The following MACROD2 variants were observed in gnomAD, a reference collection of about 807,000 sequenced individuals.
The protein encoded by MACROD2 is mono-ADP ribosylhydrolase 2, also known as ADP-ribose glycohydrolase MACROD2.
MACROD2 carries 36 observed loss-of-function variants against 70.4 expected under a neutral mutation model. The observed-to-expected ratio is 0.51, with a 90% CI of 0.39 to 0.68. MACROD2 has a LOEUF of 0.68. MACROD2 is among the 30% of genes least tolerant of loss of function. The pLI is 0.00. For synonymous variants in MACROD2, 172 were observed against 178.8 expected (o/e 0.96, Z 0.30); for missense variants, 496 against 538.4 (o/e 0.92, Z 0.78).
At chr20:14,540,758 C>A (rs1414172591) in intron 4 of MACROD2, among the ~76,000 whole-genome samples, 2 of 152,186 alleles carry the variant, frequency 1.3e-5, no homozygotes, top group Non-Finnish European at 2.9e-5. Context: ...TTAGCACCAC[C>A]TGCTATCAGC....
At chr20:14,365,179 T>C (rs1366903527) in intron 3 of MACROD2, among the ~76,000 whole-genome samples, 3 of 152,186 alleles carry the variant, frequency 2.0e-5, no homozygotes, top group East Asian at 1.9e-4. Context: ...TTTCCATTTC[T>C]TCTTTAGTCA....
chr20:14,760,827 A>G (rs191282496), intron 5 of MACROD2, among the ~76,000 whole-genome samples: 1 of 152,184 alleles, frequency 6.6e-6, no homozygotes, highest in East Asian at 1.9e-4. Context: ...TCACATTTTT[A>G]CTAGCAATTT....
chr20:15,008,904 C>T (rs1338383145), intron 5 of MACROD2, among the ~76,000 whole-genome samples: 1 of 151,976 alleles, frequency 6.6e-6, no homozygotes, highest in Non-Finnish European at 1.5e-5. Flanking sequence ...TTTCTCTTTC[C>T]TTTTCTGTGG....
intron 8 of MACROD2, among the ~76,000 whole-genome samples, chr20:15,776,110 T>C (rs1338631184): frequency 2.0e-5 from 3 of 152,128 alleles, no homozygotes; most frequent in Non-Finnish European, 4.4e-5. Flanking sequence ...AATTGTAGTT[T>C]TCACTTAAAA....
chr20:14,465,731 G>A (rs972077205), intron 3 of MACROD2, among the ~76,000 whole-genome samples: 2 of 152,032 alleles, frequency 1.3e-5, no homozygotes, highest in African/African-American at 4.8e-5. Flanking sequence ...CAGGCCTAGT[G>A]GTGACAAAAT....
chr20:15,076,035 GTTATAACC>G (rs1252913409), intron 5 of MACROD2, among the ~76,000 whole-genome samples: 1 of 152,158 alleles, frequency 6.6e-6, no homozygotes, highest in Non-Finnish European at 1.5e-5. Flanking sequence ...AAGGCGATCA[GTTATAACC>G]TTATAATCAA....
At chr20:14,849,804 T>C (rs557633733) in intron 5 of MACROD2, 47 of 317,938 alleles carry the variant, frequency 1.5e-4, no homozygotes, top group Non-Finnish European at 2.5e-4. Flanking sequence ...AGATAAGTAG[T>C]AACTCTCACA....
chr20:14,802,833 G>C (rs1191140535), intron 5 of MACROD2, among the ~76,000 whole-genome samples: 3 of 150,844 alleles, frequency 2.0e-5, no homozygotes, highest in Non-Finnish European at 4.4e-5. Context: ...GAAATAATTG[G>C]TTTTACAGTT....
intron 8 of MACROD2, among the ~76,000 whole-genome samples, chr20:15,777,973 G>A (rs570405224): frequency 3.3e-5 from 5 of 152,172 alleles, no homozygotes; most frequent in East Asian, 1.9e-4. Context: ...AGAATACAAC[G>A]CTCCCAACTC....
intron 8 of MACROD2, among the ~76,000 whole-genome samples, chr20:15,734,495 A>G (rs1417644108): frequency 6.6e-6 from 1 of 152,142 alleles, no homozygotes. Flanking sequence ...TCACTAGAAG[A>G]TTTCATGTGA....
intron 5 of MACROD2, among the ~76,000 whole-genome samples, chr20:15,065,558 G>A (rs1051295343): frequency 2.6e-5 from 4 of 151,710 alleles, no homozygotes; most frequent in Non-Finnish European, 5.9e-5. Context: ...GGAGGCTGAG[G>A]CAGGAGAATG....
At chr20:15,574,525 A>G (rs2048418524) in intron 8 of MACROD2, among the ~76,000 whole-genome samples, 3 of 152,192 alleles carry the variant, frequency 2.0e-5, no homozygotes, top group Non-Finnish European at 4.4e-5. Context: ...TGAGGAGAAG[A>G]AAGTTAACAC....
intron 7 of MACROD2, among the ~76,000 whole-genome samples, chr20:15,460,886 G>T (rs2046798212): frequency 6.6e-6 from 1 of 150,576 alleles, no homozygotes; most frequent in South Asian, 2.1e-4. Context: ...AAACCTAAGT[G>T]TGATGGAGAA....
At chr20:14,802,652 C>T (rs1205328439) in intron 5 of MACROD2, among the ~76,000 whole-genome samples, 1 of 151,690 alleles carries the variant, frequency 6.6e-6, no homozygotes, top group East Asian at 1.9e-4. Context: ...AATGATGAGG[C>T]AAAATAATAA....
intron 6 of MACROD2, among the ~76,000 whole-genome samples, chr20:15,264,530 G>A (rs1465751556): frequency 6.6e-6 from 1 of 152,154 alleles, no homozygotes; most frequent in Non-Finnish European, 1.5e-5. Flanking sequence ...AAAGCATTTT[G>A]AGCTACAGAA....
At position 15,478,579 on chromosome 20, in the gene MACROD2, T is replaced by C. The variant is rs73614416; in HGVS notation, c.572-21195T>C. On this transcript the variant is annotated intron_variant, in intron 7 of 17. Transcript: ENST00000684519. ...TGTGTGTGTGTGTGTGTGTGTTTCTTCCTCCCCCTTTATTAAGTTTTTTTG... is the reference window on the plus strand; with the variant it reads ...TGTGTGTGTGTGTGTGTGTGTTTCTCCCTCCCCCTTTATTAAGTTTTTTTG... 1.2e-3 allele frequency among the ~76,000 whole-genome samples: 185 copies of C among 151,608 alleles called. 4 individuals carry two copies. The East Asian group carries it at 0.033, about 27-fold the overall frequency.
intron 5 of MACROD2, among the ~76,000 whole-genome samples, chr20:15,184,142 G>A (rs975020118): frequency 3.3e-5 from 5 of 152,234 alleles, no homozygotes; most frequent in East Asian, 1.9e-4. Context: ...AATACTGTGC[G>A]GACCAACACT....
At chr20:14,349,760 T>C (rs1277676331) in intron 3 of MACROD2, among the ~76,000 whole-genome samples, 1 of 150,846 alleles carries the variant, frequency 6.6e-6, no homozygotes, top group East Asian at 1.9e-4. Context: ...TGTAATATAA[T>C]GACCTTCAGT....
At chr20:14,418,245 A>C (rs946792957) in intron 3 of MACROD2, among the ~76,000 whole-genome samples, 12 of 152,334 alleles carry the variant, frequency 7.9e-5, no homozygotes, top group African/African-American at 2.9e-4. Flanking sequence ...TTGTTTCCAT[A>C]ATAAGCAAAA....
Sources: allele counts gnomAD v4.1 joint callset (sites outside exome capture counted in the v4.1 genomes callset), GRCh38; gene constraint gnomAD v4.1.1; transcripts MANE v1.5; gene names NCBI Gene and HGNC (gene_info 2026-07-23, HGNC 2026-07-21).